Variants in PLPPR1 observed in about 807,000 individuals in gnomAD.
PLPPR1 encodes the protein phospholipid phosphatase-related protein type 1.
Under a neutral mutation model 33.1 loss-of-function variants are expected in PLPPR1, and 10 were observed. That is an observed-to-expected ratio of 0.30 (90% CI 0.19 to 0.51). The LOEUF (loss-of-function observed/expected upper bound fraction) is 0.51. Among genes scored for constraint, PLPPR1 ranks in the 20% least tolerant of loss-of-function variants. PLPPR1 has a pLI of 0.97. For missense variants in PLPPR1, 304 were observed against 408.1 expected, an observed-to-expected ratio of 0.74 and a Z score of 2.20; for synonymous variants, 151 against 151.0, an observed-to-expected ratio of 1.00 and a Z score of 0.00.
chr9:101,299,736 C>G (rs1008015161), intron 4 of PLPPR1, among the ~76,000 whole-genome samples: 1 of 152,232 alleles, frequency 6.6e-6, no homozygotes, highest in Non-Finnish European at 1.5e-5. Context: ...ATTCATGACA[C>G]TACAGTGAAC....
At chr9:101,167,683 A>G (rs1252526241) in intron 1 of PLPPR1, among the ~76,000 whole-genome samples, 4 of 152,060 alleles carry the variant, frequency 2.6e-5, no homozygotes, top group African/African-American at 7.2e-5. Flanking sequence ...CTCTGACTTT[A>G]ATAACATAAC....
At chr9:101,321,837 A>G (rs6479049) in intron 7 of PLPPR1, among the ~76,000 whole-genome samples, 60,492 of 147,772 alleles carry the variant, frequency 0.41, 13,771 homozygotes, top group African/African-American at 0.62. Context: ...CATACATATC[A>G]TTTAATTTTG....
At chr9:101,094,721 A>C (rs1347692001) in intron 1 of PLPPR1, among the ~76,000 whole-genome samples, 1 of 152,212 alleles carries the variant, frequency 6.6e-6, no homozygotes, top group East Asian at 1.9e-4. Flanking sequence ...TTAAAGAATG[A>C]ATGCATACAG....
intron 1 of PLPPR1, among the ~76,000 whole-genome samples, chr9:101,048,256 CT>C (rs1450357693): frequency 1.3e-5 from 2 of 152,178 alleles, no homozygotes; most frequent in Non-Finnish European, 2.9e-5. Context: ...CAAGAAAACA[CT>C]GGGGCTCCTG....
intron 1 of PLPPR1, among the ~76,000 whole-genome samples, chr9:101,043,943 A>G (rs1830113791): frequency 6.6e-6 from 1 of 152,180 alleles, no homozygotes; most frequent in Non-Finnish European, 1.5e-5. Context: ...TCTTCTAGAC[A>G]TTGGCTTAGG....
At chr9:101,156,275 C>A (rs1487443888) in intron 1 of PLPPR1, among the ~76,000 whole-genome samples, 5 of 151,934 alleles carry the variant, frequency 3.3e-5, no homozygotes, top group Non-Finnish European at 7.4e-5. Context: ...GAAGGCCAGG[C>A]ATGGTGGCTC....
intron 1 of PLPPR1, among the ~76,000 whole-genome samples, chr9:101,121,827 T>A (rs73656149): frequency 5.9e-5 from 9 of 152,346 alleles, no homozygotes; most frequent in African/African-American, 1.9e-4. Context: ...GCTTTTTCCC[T>A]TGCTATTACA....
At chr9:101,235,791 C>T (rs530733971) in intron 2 of PLPPR1, among the ~76,000 whole-genome samples, 11 of 151,756 alleles carry the variant, frequency 7.2e-5, no homozygotes, top group South Asian at 2.1e-4. Flanking sequence ...CTGAAAAAGA[C>T]GTGTGCTTCT....
chr9:101,289,352 ACTC>A (rs1828451680), intron 4 of PLPPR1, among the ~76,000 whole-genome samples: 1 of 152,054 alleles, frequency 6.6e-6, no homozygotes, highest in African/African-American at 2.4e-5. Flanking sequence ...TAAATCTGTT[ACTC>A]CTATTAATTT....
At chr9:101,058,619 G>T (rs1033243274) in intron 1 of PLPPR1, among the ~76,000 whole-genome samples, 2 of 152,094 alleles carry the variant, frequency 1.3e-5, no homozygotes, top group African/African-American at 4.8e-5. Context: ...ATAGCATTTT[G>T]TACTTCATAA....
chr9:101,181,839 A>G (rs1282199227), intron 1 of PLPPR1, among the ~76,000 whole-genome samples: 1 of 147,490 alleles, frequency 6.8e-6, no homozygotes, highest in Non-Finnish European at 1.5e-5. Context: ...TAGTATATAT[A>G]TAGTGTGCAT....
At chr9:101,116,099 T>G (rs1265644982) in intron 1 of PLPPR1, among the ~76,000 whole-genome samples, 1 of 152,066 alleles carries the variant, frequency 6.6e-6, no homozygotes, top group African/African-American at 2.4e-5. Context: ...ATCTAGAAAA[T>G]CCAATAAATA....
In PLPPR1 at chr9:101,100,697, C is replaced by CGTGTGTGTGTGTGTGT. The variant is rs56760066; in HGVS notation, c.-46+71616_-46+71631dup. Among the ~76,000 whole-genome samples, 229 of 146,936 alleles carry CGTGTGTGTGTGTGTGT rather than the reference C, an allele frequency of 1.6e-3. 4 individuals carry two copies. The highest frequency in any genetic ancestry group is 0.011 in the Admixed American group (165 of 14,596). ...ATCAGAAACTATTTACTCTTTGTTC[C>CGTGTGTGTGTGTGTGT]GTGTGTGTGTGTGTGTGTGTGTGTG... On this transcript the variant is annotated intron_variant, in intron 1 of 7. Transcript: ENST00000374874.
intron 1 of PLPPR1, among the ~76,000 whole-genome samples, chr9:101,063,855 G>C (rs977948399): frequency 2.0e-5 from 3 of 152,050 alleles, no homozygotes; most frequent in Non-Finnish European, 2.9e-5. Context: ...GCCATCATTT[G>C]ATCTGTTTAC....
Position 101,309,337 on chromosome 9 carries a change from C to T in PLPPR1, c.512C>T (p.Ala171Val), listed in dbSNP as rs764061295. ...AACTACACCAGTGCAGACTGCCAAG[C>T]GCACCACCAGTTTATAAACAATGGG... The part of the protein sequence containing the change: ...KPNYTSADCQ[A>V]HHQFINNGNI... The change falls in exon 5 of 8, where the codon GCG (alanine) becomes GTG (valine). Residue 171 changes from alanine to valine, a missense_variant. Ala to Val is a moderately conservative substitution (Grantham distance 64). Transcript: ENST00000374874. 8.7e-6 allele frequency: 14 copies of T among 1,613,990 alleles called. No individual in the cohort carries two copies. The highest frequency in any genetic ancestry group is 3.3e-5 in the South Asian group (3 of 91,080).
At chr9:101,109,101 G>A (rs1488173164) in intron 1 of PLPPR1, among the ~76,000 whole-genome samples, 1 of 149,942 alleles carries the variant, frequency 6.7e-6, no homozygotes, top group Non-Finnish European at 1.5e-5. Context: ...TGGGACTACA[G>A]GCGCCCGCCA....
chr9:101,265,598 T>C (rs1368344866), intron 2 of PLPPR1, among the ~76,000 whole-genome samples: 2 of 152,240 alleles, frequency 1.3e-5, no homozygotes, highest in Non-Finnish European at 2.9e-5. Flanking sequence ...TGGCTAATTG[T>C]GTGGCATCAT....
At chr9:101,051,222 C>G (rs1166835081) in intron 1 of PLPPR1, among the ~76,000 whole-genome samples, 3 of 151,160 alleles carry the variant, frequency 2.0e-5, no homozygotes, top group African/African-American at 7.3e-5. Flanking sequence ...ATATCCTCTT[C>G]TCTCCATCCC....
chr9:101,322,867 C>T (rs545460296), intron 7 of PLPPR1, among the ~76,000 whole-genome samples: 9 of 152,176 alleles, frequency 5.9e-5, no homozygotes, highest in Non-Finnish European at 1.0e-4. Flanking sequence ...ACACATGAAA[C>T]ATTATGAAAA....
Sources: gnomAD v4.1 joint callset for allele counts (sites outside exome capture counted in the v4.1 genomes callset) on GRCh38, gnomAD v4.1.1 for gene constraint, MANE v1.5 for transcripts, NCBI Gene and HGNC (gene_info 2026-07-23, HGNC 2026-07-21) for gene names.